Variants in SLC10A2 observed in about 807,000 individuals in gnomAD.
The protein encoded by SLC10A2 is solute carrier family 10 member 2, also known as ileal sodium/bile acid cotransporter.
In SLC10A2, 34 loss-of-function variants were observed where a neutral mutation model predicts 27.1. The ratio of observed to expected loss-of-function variants is 1.26; its 90% CI spans 0.96 to 1.67. The LOEUF is 1.67. Ranked by LOEUF, SLC10A2 falls within the 40% of genes most tolerant of loss-of-function variation. The pLI, the probability that SLC10A2 is intolerant of heterozygous loss-of-function variation, is 0.00. For missense variants in SLC10A2, 530 were observed against 444.4 expected (o/e 1.19, Z -1.73); for synonymous variants, 205 against 174.0 (o/e 1.18, Z -1.40).
intron 5 of SLC10A2, among the ~76,000 whole-genome samples, chr13:103,048,300 A>G (rs1875669939): frequency 6.6e-6 from 1 of 151,864 alleles, no homozygotes; most frequent in Admixed American, 6.6e-5. Flanking sequence ...CTGAGGTGGG[A>G]GAATGGCGTG....
rs149100459 is a variant in SLC10A2 at position 103,058,300 on chromosome 13, C to T, written c.460G>A (p.Asp154Asn). The T allele has an allele frequency of 1.9e-4, 301 of 1,612,148 alleles. No homozygotes were observed. The highest frequency in any genetic ancestry group is 2.3e-4 in the Non-Finnish European group (276 of 1,178,296). ...CLLIYTKMWV[D>N]SGSIVIPYDN... ...TAGGGAATTACGATGCTCCCAGAGT[C>T]GACCCACATTTTGGTATAGATAAGG... is the stretch of plus-strand genomic sequence containing the variant. The change falls in exon 2 of 6, where the codon GAC (aspartate) becomes AAC (asparagine). Residue 154 changes from aspartate to asparagine, a missense_variant. By Grantham distance (23) the Asp-to-Asn change is conservative. Transcript: ENST00000245312.
intron 2 of SLC10A2, among the ~76,000 whole-genome samples, chr13:103,055,593 A>T (rs1169674604): frequency 6.6e-6 from 1 of 152,216 alleles, no homozygotes; most frequent in Non-Finnish European, 1.5e-5. Flanking sequence ...CAAAAAGGTG[A>T]GCTTGGAGGC....
rs1875599483 is a variant in SLC10A2 at position 103,046,054 on chromosome 13, T to G, written c.*79A>C. 5 of 1,547,580 alleles carry G rather than the reference T, an allele frequency of 3.2e-6. No individual in the cohort carries two copies. The African/African-American group carries it at 5.4e-5, about 17-fold the overall frequency. Reference sequence around the variant, plus strand: ...CACTTTAACTCTTTTCTGCCAACTGTCCTACCAAAACAAATAATTAAATAT... The same window carrying G: ...CACTTTAACTCTTTTCTGCCAACTGGCCTACCAAAACAAATAATTAAATAT... On this transcript the variant is annotated 3_prime_UTR_variant, in exon 6 of 6. Coordinates refer to ENST00000245312, the MANE Select transcript of SLC10A2 (RefSeq NM_000452.3).
intron 1 of SLC10A2, among the ~76,000 whole-genome samples, chr13:103,061,585 A>C (rs1876120773): frequency 6.6e-6 from 1 of 152,138 alleles, no homozygotes; most frequent in Non-Finnish European, 1.5e-5. Flanking sequence ...GATCCTTGCA[A>C]AACCTTTAAT....
chr13:103,046,136 C>A lies in SLC10A2; in HGVS notation c.1044G>T (p.Lys348Asn), dbSNP rs1226580741. Reference sequence around the variant, plus strand: ...GTCTGTTTTGTCCACTTGATGTCTACTTTTCGTCAGGTTGAAATCCTCCAT... The same window carrying A: ...GTCTGTTTTGTCCACTTGATGTCTAATTTTCGTCAGGTTGAAATCCTCCAT... ...KANGGFQPDE[K>N] The change falls in exon 6 of 6, where the codon AAG becomes AAT. Residue 348 changes from lysine (K) to asparagine (N), a missense_variant. Transcript: ENST00000245312. 1.2e-6 allele frequency: 2 copies of A among 1,613,680 alleles called. No individual in the cohort carries two copies. The highest frequency in any genetic ancestry group is 1.7e-6 in the Non-Finnish European group (2 of 1,179,814).
chr13:103,054,400 C>T (rs1282970026), intron 2 of SLC10A2, among the ~76,000 whole-genome samples: 1 of 152,130 alleles, frequency 6.6e-6, no homozygotes, highest in Admixed American at 6.5e-5. Flanking sequence ...CAGATGAATA[C>T]AAGAAGGAAA....
In SLC10A2 at chr13:103,049,326, G is replaced by T. The variant is rs1343567468; in HGVS notation, c.882C>A (p.Ser294Arg). 2 of 1,613,952 alleles carry T rather than the reference G, an allele frequency of 1.2e-6. No homozygotes were observed. Among genetic ancestry groups the T allele is most frequent in the Non-Finnish European group, 1.7e-6 (2 of 1,179,862 alleles). The stretch of plus-strand genomic sequence containing the variant: ...TTGCGGCAAAGGCGAGCTGGAAAAT[G>T]CTGTAGATGAGCGGGAAGGTGAATA... ...NVVFTFPLIY[S>R]IFQLAFAAIF... is the part of the protein sequence containing the mutation. Residue 294 changes from serine (S) to arginine (R), a missense_variant, in exon 5 of 6, where the codon AGC becomes AGA. Ser to Arg is a moderately radical substitution (Grantham distance 110, BLOSUM62 -1). Coordinates refer to ENST00000245312, the MANE Select transcript of SLC10A2 (RefSeq NM_000452.3).
chr13:103,052,738 G>T, intron 2 of SLC10A2, 30 bp from the exon 3 acceptor site: 1 of 1,323,454 alleles, frequency 7.6e-7, no homozygotes, highest in Non-Finnish European at 1.1e-6. Context: ...AATGTGATCA[G>T]CAGAACAGGT....
intron 5 of SLC10A2, among the ~76,000 whole-genome samples, chr13:103,047,287 C>T (rs1461886743): frequency 6.6e-6 from 1 of 152,074 alleles, no homozygotes; most frequent in Non-Finnish European, 1.5e-5. Flanking sequence ...AACTCAAGAT[C>T]AATATTTCCT....
chr13:103,050,210 G>A (rs888964959), intron 4 of SLC10A2, among the ~76,000 whole-genome samples: 3 of 152,088 alleles, frequency 2.0e-5, no homozygotes, highest in Non-Finnish European at 2.9e-5. Context: ...AGAAATTATT[G>A]TCCCCATTCT....
intron 2 of SLC10A2, among the ~76,000 whole-genome samples, chr13:103,054,086 A>G (rs1315008184): frequency 6.8e-6 from 1 of 147,038 alleles, no homozygotes; most frequent in African/African-American, 2.6e-5. Context: ...GGTCTGTTGG[A>G]GGAGGGGCCT....
chr13:103,061,886 G>T (rs1445648830), intron 1 of SLC10A2, among the ~76,000 whole-genome samples: 1 of 151,848 alleles, frequency 6.6e-6, no homozygotes, highest in African/African-American at 2.4e-5. Flanking sequence ...ATTAGCAAAA[G>T]AAAATATTAT....
At chr13:103,059,875 C>A (rs545212995) in intron 1 of SLC10A2, among the ~76,000 whole-genome samples, 1 of 152,120 alleles carries the variant, frequency 6.6e-6, no homozygotes, top group Non-Finnish European at 1.5e-5. Flanking sequence ...GGACAAGAAG[C>A]GGAAGCTGAC....
At chr13:103,062,948 T>C (rs1876167609) in intron 1 of SLC10A2, among the ~76,000 whole-genome samples, 1 of 152,136 alleles carries the variant, frequency 6.6e-6, no homozygotes, top group Admixed American at 6.6e-5. Flanking sequence ...TTTGCCTGTG[T>C]CTGGGGAGAG....
At chr13:103,047,517 T>G in intron 5 of SLC10A2, among the ~76,000 whole-genome samples, 3 of 147,470 alleles carry the variant, frequency 2.0e-5, no homozygotes, top group South Asian at 2.3e-4. Flanking sequence ...TCTCCCTGCC[T>G]TCCTCCCTCC....
At position 103,045,411 on chromosome 13, in the gene SLC10A2, T is replaced by C. The variant is rs1006512152; in HGVS notation, c.*722A>G. On this transcript the variant is annotated 3_prime_UTR_variant, in exon 6 of 6. Transcript: ENST00000245312. ...GAATTATGTTTTTCCTTGGAAGATC[T>C]AGTGGGTATCACTGGACCCCTGAGG... The C allele has an allele frequency of 1.3e-5, 2 of 152,280 alleles. No homozygotes were observed. The highest frequency in any genetic ancestry group is 2.9e-5 in the Non-Finnish European group (2 of 68,084). The allele number at this position is 152,280 out of a possible 1,614,324, so 9.4% of individuals were successfully genotyped here.
chr13:103,057,330 C>T (rs1566513646), intron 2 of SLC10A2, among the ~76,000 whole-genome samples: 1 of 152,148 alleles, frequency 6.6e-6, no homozygotes, highest in East Asian at 1.9e-4. Context: ...TAAGTTACAA[C>T]AATAACTTAA....
intron 3 of SLC10A2, among the ~76,000 whole-genome samples, chr13:103,052,206 A>G (rs1875803153): frequency 6.6e-6 from 1 of 152,232 alleles, no homozygotes; most frequent in South Asian, 2.1e-4. Flanking sequence ...TATAACACAA[A>G]CTCACATAAC....
intron 3 of SLC10A2, among the ~76,000 whole-genome samples, 175 bp from the exon 4 acceptor site, chr13:103,051,607 G>A (rs1202278590): frequency 8.5e-5 from 13 of 152,126 alleles, no homozygotes; most frequent in Admixed American, 7.9e-4. Context: ...AAATACTGAC[G>A]CTTGTCCCAT....
Sources: allele counts gnomAD v4.1 joint callset (sites outside exome capture counted in the v4.1 genomes callset), GRCh38; gene constraint gnomAD v4.1.1; transcripts MANE v1.5; gene names NCBI Gene and HGNC (gene_info 2026-07-23, HGNC 2026-07-21).